Variants in TBC1D16 observed in about 807,000 individuals in gnomAD.
TBC1D16 encodes the protein TBC1 domain family member 16, also known as CTD-2529O21.1.
A neutral mutation model predicts 74.7 loss-of-function variants in TBC1D16; 58 were observed. The observed-to-expected ratio is 0.78, with a 90% CI of 0.63 to 0.97. TBC1D16 has a LOEUF of 0.97. Among genes scored for constraint, TBC1D16 ranks in the 50% least tolerant of loss-of-function variants. The pLI is 0.00. For missense variants in TBC1D16, 1,014 were observed against 1,079.5 expected, an observed-to-expected ratio of 0.94 and a Z score of 0.85; for synonymous variants, 493 against 474.7, an observed-to-expected ratio of 1.04 and a Z score of -0.50.
chr17:79,988,238 C>CGGCAAGTG lies in TBC1D16; in HGVS notation c.779+21914_779+21921dup, dbSNP rs2034919948. Among the ~76,000 whole-genome samples the CGGCAAGTG allele has an allele frequency of 6.6e-6, 1 of 152,166 alleles. No homozygotes were observed. Among genetic ancestry groups the CGGCAAGTG allele is most frequent in the African/African-American group, 2.4e-5 (1 of 41,444 alleles). On this transcript the variant is annotated intron_variant, in intron 3 of 11. Transcript: ENST00000310924. This position sits in a 1 kb window ranked among gnomAD's most constrained non-coding sequence, Gnocchi z 5.7. Reference sequence around the variant, plus strand: ...GCCACCAGCCAGGGCCGTGGCTCCTCGGCAAGTGGGCGTCCGCCGAGCCTT... The same window carrying CGGCAAGTG: ...GCCACCAGCCAGGGCCGTGGCTCCTCGGCAAGTGGGCAAGTGGGCGTCCGCCGAGCCTT...
At chr17:80,026,254 C>T (rs1393164649) in intron 1 of TBC1D16, 2 of 149,778 alleles carry the variant, frequency 1.3e-5, no homozygotes, top group Non-Finnish European at 2.9e-5. Context: ...AAAACCCCAT[C>T]GCTAATTTAA....
chr17:80,009,662 G>A lies in TBC1D16; in HGVS notation c.779+498C>T, dbSNP rs2035803185. Among the ~76,000 whole-genome samples, 1 of 152,240 alleles carries A rather than the reference G, an allele frequency of 6.6e-6. No individual in the cohort carries two copies. Among genetic ancestry groups the A allele is most frequent in the Non-Finnish European group, 1.5e-5 (1 of 68,042 alleles). On this transcript the variant is annotated intron_variant, in intron 3 of 11. Coordinates refer to ENST00000310924, the MANE Select transcript of TBC1D16 (RefSeq NM_019020.4). The surrounding 1 kb of genome is among the most constrained non-coding windows in gnomAD (Gnocchi z 5.4). ...CTGAAGCCTCCGGGGACCACAGGGG[G>A]CCAGGTCACGTGCCCAGTGGGCTGC... is the stretch of plus-strand genomic sequence containing the variant.
chr17:80,032,297 C>T (rs988286095), intron 1 of TBC1D16, among the ~76,000 whole-genome samples: 1 of 152,216 alleles, frequency 6.6e-6, no homozygotes, highest in Admixed American at 6.5e-5. Context: ...AACGCCTGCA[C>T]AGACTCACCG....
intron 1 of TBC1D16, among the ~76,000 whole-genome samples, chr17:80,018,561 C>T (rs933486758): frequency 1.3e-5 from 2 of 149,540 alleles, no homozygotes; most frequent in African/African-American, 2.6e-5. Context: ...GGATTACAGG[C>T]GTGAGCCACC....
At chr17:80,027,772 A>G (rs1476511999) in intron 1 of TBC1D16, among the ~76,000 whole-genome samples, 1 of 151,650 alleles carries the variant, frequency 6.6e-6, no homozygotes, top group African/African-American at 2.4e-5. Flanking sequence ...GGCGCCTGTA[A>G]TCCCAGCTAC....
chr17:80,010,677 G>C lies in TBC1D16; in HGVS notation c.262C>G (p.Gln88Glu). 6.5e-7 allele frequency: 1 copy of C among 1,526,722 alleles called. No individual in the cohort carries two copies. The highest frequency in any genetic ancestry group is 8.8e-7 in the Non-Finnish European group (1 of 1,140,140). 94.6% of individuals were successfully genotyped at this position (1,526,722 alleles called of 1,614,324 possible). A position where few individuals can be genotyped will look rare whatever the true frequency, so the allele number is the denominator to read the frequency against. The change falls in exon 3 of 12, where the codon CAG becomes GAG. Residue 88 changes from glutamine (Q) to glutamate (E), a missense_variant. Gln to Glu is a conservative substitution (Grantham distance 29, BLOSUM62 2). Coordinates refer to ENST00000310924, the MANE Select transcript of TBC1D16 (RefSeq NM_019020.4). The surrounding 1 kb of genome is among the most constrained non-coding windows in gnomAD (Gnocchi z 8.8). ...ILAWVPNSRI[Q>E]RQDEEALRYI... ...CGCAGGGCCTCCTCGTCCTGCCTCT[G>C]GATGCGAGAGTTGGGGACCCATGCC...
At chr17:79,949,524 G>A (rs954907688) in intron 7 of TBC1D16, among the ~76,000 whole-genome samples, 193 bp downstream of exon 7, 1 of 152,246 alleles carries the variant, frequency 6.6e-6, no homozygotes, top group African/African-American at 2.4e-5. Flanking sequence ...CCGCAGCTCC[G>A]AGGCCCGAGT....
In TBC1D16 at chr17:79,985,575, GTGGGGGGCATCCCAGGCCC is replaced by G. The variant is rs1371035473; in HGVS notation, c.779+24566_779+24584del. ...CACTGGCCTGGCACTCACGCTCGGG[GTGGGGGGCATCCCAGGCCC>G]TGAGACTGGTGCTGGGTCCAAGGGT... On this transcript the variant is annotated intron_variant, in intron 3 of 11. Coordinates refer to ENST00000310924, the MANE Select transcript of TBC1D16 (RefSeq NM_019020.4). This position sits in a 1 kb window ranked among gnomAD's most constrained non-coding sequence, Gnocchi z 4.9. Among the ~76,000 whole-genome samples the G allele has an allele frequency of 1.3e-5, 2 of 152,256 alleles. No homozygotes were observed. Among genetic ancestry groups the G allele is most frequent in the Non-Finnish European group, 2.9e-5 (2 of 68,038 alleles).
chr17:79,950,842 C>A lies in TBC1D16; in HGVS notation c.1090-264G>T. On this transcript the variant is annotated intron_variant, in intron 5 of 11. Transcript: ENST00000310924. The surrounding 1 kb of genome is among the most constrained non-coding windows in gnomAD (Gnocchi z 4.6). ...CCCCCACTCTCTCCAACCCCAGCCG[C>A]AAAAACGGAATGAATGCCTCGTTCG... 6.6e-7 allele frequency: 1 copy of A among 1,525,310 alleles called. No individual in the cohort carries two copies. Among genetic ancestry groups the A allele is most frequent in the East Asian group, 2.5e-5 (1 of 40,756 alleles). 94.5% of individuals were successfully genotyped at this position (1,525,310 alleles called of 1,614,324 possible).
chr17:80,015,358 C>T lies in TBC1D16; in HGVS notation c.-62-1749G>A, dbSNP rs184870880. The stretch of plus-strand genomic sequence containing the variant: ...GTGAGGCAGGAGAATTGCTTGAACC[C>T]GGGAGGTGGAGGTTGCAGTGAGCTG... On this transcript the variant is annotated intron_variant, in intron 1 of 11. Transcript: ENST00000310924. 2.8e-3 allele frequency among the ~76,000 whole-genome samples: 430 copies of T among 152,210 alleles called. 1 individual carries two copies. The highest frequency in any genetic ancestry group is 8.8e-3 in the African/African-American group (367 of 41,536).
chr17:80,032,803 A>ACCCGCC (rs1447366137), intron 1 of TBC1D16, among the ~76,000 whole-genome samples: 1 of 152,160 alleles, frequency 6.6e-6, no homozygotes, highest in Admixed American at 6.5e-5. Context: ...TCCCAGAGCC[A>ACCCGCC]CCCGCCCCCG....
chr17:79,957,589 A>G (rs1347187164), intron 3 of TBC1D16, among the ~76,000 whole-genome samples: 1 of 152,156 alleles, frequency 6.6e-6, no homozygotes, highest in Non-Finnish European at 1.5e-5. Context: ...TAGGGCAGTG[A>G]CACACCGGCA....
rs1488248214 is a variant in TBC1D16 at position 79,954,789 on chromosome 17, G to C, written c.780-1971C>G. ...GGCCCACCCAGTGGGGCCATCAGAG[G>C]GTGGTATCCTTTCCCGCCTCCTCCC... is the stretch of plus-strand genomic sequence containing the variant. On this transcript the variant is annotated intron_variant, in intron 3 of 11. Transcript: ENST00000310924. The surrounding 1 kb of genome is among the most constrained non-coding windows in gnomAD (Gnocchi z 5.5). Among the ~76,000 whole-genome samples the C allele has an allele frequency of 6.6e-6, 1 of 152,160 alleles. No individual in the cohort carries two copies. The highest frequency in any genetic ancestry group is 1.5e-5 in the Non-Finnish European group (1 of 68,020).
At chr17:79,969,057 A>G (rs1375771528) in intron 3 of TBC1D16, among the ~76,000 whole-genome samples, 3 of 152,184 alleles carry the variant, frequency 2.0e-5, no homozygotes. Context: ...GCCAATAAGC[A>G]CATGAAAAAT....
chr17:79,949,654 C>T (rs1293516268), intron 7 of TBC1D16, 63 bp downstream of exon 7: 16 of 1,563,432 alleles, frequency 1.0e-5, no homozygotes, highest in Non-Finnish European at 1.3e-5. Flanking sequence ...CTCAAATTGC[C>T]TTTTCAAATG....
chr17:79,949,902 T>C (rs1252298027), intron 6 of TBC1D16, 37 bp from the exon 7 acceptor site: 2 of 1,600,868 alleles, frequency 1.2e-6, no homozygotes, highest in East Asian at 4.5e-5. Flanking sequence ...GGGGATAAAA[T>C]GGGGCAGCTC....
rs1700958900 is a variant in TBC1D16 at position 79,983,759 on chromosome 17, G to A, written c.779+26401C>T. 6.6e-6 allele frequency among the ~76,000 whole-genome samples: 1 copy of A among 152,176 alleles called. No individual in the cohort carries two copies. The highest frequency in any genetic ancestry group is 2.4e-5 in the African/African-American group (1 of 41,452). ...AGCACTGGCCTCCTAGGAAGCTCTA[G>A]TTCAGACACAGGGGGCGCTGGGTCA... is the stretch of plus-strand genomic sequence containing the variant. On this transcript the variant is annotated intron_variant, in intron 3 of 11. Coordinates refer to ENST00000310924, the MANE Select transcript of TBC1D16 (RefSeq NM_019020.4). This position sits in a 1 kb window ranked among gnomAD's most constrained non-coding sequence, Gnocchi z 5.6.
intron 3 of TBC1D16, among the ~76,000 whole-genome samples, chr17:79,962,960 G>A (rs58634420): frequency 0.017 from 2,535 of 151,416 alleles, 70 homozygotes; most frequent in African/African-American, 0.058. Flanking sequence ...TGAGACAGGA[G>A]AATCGCTTGA....
In TBC1D16 at chr17:79,985,628, G is replaced by A. The variant is rs762302312; in HGVS notation, c.779+24532C>T. The stretch of plus-strand genomic sequence containing the variant: ...GTGCTGGGTCCAAGGGTCCCCATCC[G>A]GTGGCAGCCATTCCGCATTGATCTC... On this transcript the variant is annotated intron_variant, in intron 3 of 11. Coordinates refer to ENST00000310924, the MANE Select transcript of TBC1D16 (RefSeq NM_019020.4). This position sits in a 1 kb window ranked among gnomAD's most constrained non-coding sequence, Gnocchi z 4.9. 6.6e-5 allele frequency among the ~76,000 whole-genome samples: 10 copies of A among 152,208 alleles called. No individual in the cohort carries two copies. Among genetic ancestry groups the A allele is most frequent in the Non-Finnish European group, 1.3e-4 (9 of 68,032 alleles).
Sources: allele counts gnomAD v4.1 joint callset (sites outside exome capture counted in the v4.1 genomes callset), GRCh38; gene constraint gnomAD v4.1.1; non-coding constraint Gnocchi (gnomAD v3.1); transcripts MANE v1.5; gene names NCBI Gene and HGNC (gene_info 2026-07-23, HGNC 2026-07-21).